The following FBXL17 variants were observed in gnomAD, a reference collection of about 807,000 sequenced individuals.
FBXL17 encodes F-box/LRR-repeat protein 17.
Under a neutral mutation model 66.2 loss-of-function variants are expected in FBXL17, and 22 were observed. The observed-to-expected ratio is 0.33, with a 90% CI of 0.24 to 0.47. FBXL17 has a LOEUF of 0.47. Among genes scored for constraint, FBXL17 ranks in the 20% least tolerant of loss-of-function variants. The pLI is 1.00. For missense variants in FBXL17, 878 were observed against 948.2 expected, an observed-to-expected ratio of 0.93 and a Z score of 0.97; for synonymous variants, 474 against 400.5, an observed-to-expected ratio of 1.18 and a Z score of -2.19.
At chr5:108,232,774 AGC>A (rs1755402571) in intron 4 of FBXL17, among the ~76,000 whole-genome samples, 2 of 47,698 alleles carry the variant, frequency 4.2e-5, no homozygotes, top group Non-Finnish European at 9.1e-5. Context: ...ATACTGAATA[AGC>A]TCTCACATAT....
At chr5:108,240,467 C>T (rs1346997062) in intron 4 of FBXL17, among the ~76,000 whole-genome samples, 1 of 152,042 alleles carries the variant, frequency 6.6e-6, no homozygotes, top group South Asian at 2.1e-4. Flanking sequence ...AGAAGAGACT[C>T]CTCTTCTTAT....
intron 4 of FBXL17, among the ~76,000 whole-genome samples, chr5:108,346,523 C>T (rs1392499743): frequency 6.6e-6 from 1 of 151,954 alleles, no homozygotes; most frequent in African/African-American, 2.4e-5. Flanking sequence ...GTTTACTCAA[C>T]AAGAAAAATA....
intron 1 of FBXL17, 67 bp from the exon 2 acceptor site, chr5:108,368,020 ATTAG>A: frequency 7.0e-7 from 1 of 1,426,426 alleles, no homozygotes; most frequent in Non-Finnish European, 9.4e-7. Context: ...AAAGGTTTTT[ATTAG>A]TTAGAAAAAG....
chr5:107,897,105 A>C (rs1749410400), intron 7 of FBXL17, among the ~76,000 whole-genome samples: 2 of 152,138 alleles, frequency 1.3e-5, no homozygotes, highest in African/African-American at 4.8e-5. Context: ...ATACTAAGAT[A>C]ATAGGAGAAG....
At chr5:107,876,526 A>G (rs1340423147) in intron 8 of FBXL17, among the ~76,000 whole-genome samples, 1 of 152,182 alleles carries the variant, frequency 6.6e-6, no homozygotes, top group African/African-American at 2.4e-5. Context: ...CACACTGCAG[A>G]GGTTTCCACC....
chr5:108,375,576 C>G (rs752135931), intron 1 of FBXL17, among the ~76,000 whole-genome samples: 27 of 151,806 alleles, frequency 1.8e-4, no homozygotes, highest in Non-Finnish European at 3.5e-4. Flanking sequence ...AAAACTGACT[C>G]AAAGGAAATA....
intron 6 of FBXL17, among the ~76,000 whole-genome samples, chr5:108,165,146 AAG>A (rs528850497): frequency 2.4e-4 from 37 of 152,348 alleles, no homozygotes; most frequent in African/African-American, 8.7e-4. Context: ...GTCTATTAAT[AAG>A]AGATTTGTTA....
At chr5:108,033,892 T>C (rs1438281919) in intron 6 of FBXL17, among the ~76,000 whole-genome samples, 1 of 152,152 alleles carries the variant, frequency 6.6e-6, no homozygotes, top group Admixed American at 6.6e-5. Flanking sequence ...AAATACACAA[T>C]GACAAAAAGT....
chr5:108,258,235 A>C (rs1463325259), intron 4 of FBXL17, among the ~76,000 whole-genome samples: 1 of 152,170 alleles, frequency 6.6e-6, no homozygotes, highest in African/African-American at 2.4e-5. Flanking sequence ...ACATAGCAAG[A>C]AAGCAGTCAT....
intron 7 of FBXL17, among the ~76,000 whole-genome samples, chr5:107,887,347 C>T (rs1246091158): frequency 6.6e-6 from 1 of 152,168 alleles, no homozygotes; most frequent in African/African-American, 2.4e-5. Context: ...ACTAAAAATA[C>T]ATTTCCTCCT....
chr5:107,933,412 G>A (rs1374473923), intron 7 of FBXL17, among the ~76,000 whole-genome samples: 1 of 152,004 alleles, frequency 6.6e-6, no homozygotes, highest in Non-Finnish European at 1.5e-5. Context: ...TTTTACTTAC[G>A]ACTTACAAAC....
intron 5 of FBXL17, among the ~76,000 whole-genome samples, chr5:108,197,983 T>G (rs1271514394): frequency 6.6e-6 from 1 of 151,930 alleles, no homozygotes; most frequent in Non-Finnish European, 1.5e-5. Context: ...TTTCAAAGAG[T>G]GGATGAGAAA....
chr5:108,270,870 A>G (rs1416199397), intron 4 of FBXL17, among the ~76,000 whole-genome samples: 2 of 151,950 alleles, frequency 1.3e-5, no homozygotes, highest in Admixed American at 6.6e-5. Context: ...AGGAGGGGGG[A>G]AAACCACATA....
chr5:108,232,741 G>A (rs1296839597), intron 4 of FBXL17, among the ~76,000 whole-genome samples: 1 of 130,156 alleles, frequency 7.7e-6, no homozygotes, highest in Non-Finnish European at 1.6e-5. Flanking sequence ...GCCTATTGTG[G>A]GACCTTGTGT....
intron 7 of FBXL17, among the ~76,000 whole-genome samples, chr5:107,956,337 T>C (rs2112617580): frequency 6.6e-6 from 1 of 152,302 alleles, no homozygotes; most frequent in African/African-American, 2.4e-5. Flanking sequence ...TGTTCCAAGG[T>C]GTTTATTTTG....
intron 4 of FBXL17, among the ~76,000 whole-genome samples, chr5:108,329,007 G>C (rs367745689): frequency 1.3e-5 from 2 of 151,988 alleles, no homozygotes; most frequent in African/African-American, 4.8e-5. Context: ...TCTATCCTTT[G>C]ATCTTCCCAA....
At chr5:108,038,434 T>C (rs962635066) in intron 6 of FBXL17, among the ~76,000 whole-genome samples, 1 of 152,078 alleles carries the variant, frequency 6.6e-6, no homozygotes, top group Admixed American at 6.6e-5. Flanking sequence ...GAAATATCAA[T>C]GGCAAAATGT....
intron 6 of FBXL17, among the ~76,000 whole-genome samples, chr5:108,048,292 A>T (rs922360857): frequency 1.3e-5 from 2 of 152,132 alleles, no homozygotes; most frequent in African/African-American, 4.8e-5. Flanking sequence ...CCCCACACAA[A>T]CCCCATCCAA....
chr5:107,872,090 T>C (rs537966160), intron 8 of FBXL17, among the ~76,000 whole-genome samples: 2 of 152,350 alleles, frequency 1.3e-5, no homozygotes, highest in Non-Finnish European at 2.9e-5. Context: ...AAGACAAATT[T>C]ATGATCAGCA....
Sources: gnomAD v4.1 joint callset for allele counts (sites outside exome capture counted in the v4.1 genomes callset) on GRCh38, gnomAD v4.1.1 for gene constraint, MANE v1.5 for transcripts, NCBI Gene and HGNC (gene_info 2026-07-23, HGNC 2026-07-21) for gene names.